LDB3: variants seen among roughly 807,000 people sequenced by gnomAD.
LDB3 encodes LIM domain binding 3, also known as LIM domain-binding protein 3.
A neutral mutation model predicts 69.0 loss-of-function variants in LDB3; 49 were observed. That is an observed-to-expected ratio of 0.71 (90% CI 0.56 to 0.90). The LOEUF (loss-of-function observed/expected upper bound fraction) is 0.90. Among genes scored for constraint, LDB3 ranks in the 40% least tolerant of loss-of-function variants. The probability of loss-of-function intolerance (pLI) is 0.00; values close to 1 mark genes in which losing one functional copy is unlikely to be tolerated. For missense variants in LDB3, 928 were observed against 974.1 expected (o/e 0.95, Z 0.63); for synonymous variants, 387 against 396.2 (o/e 0.98, Z 0.28).
chr10:86,716,272 TG>T (rs904638725), intron 9 of LDB3, 54 bp from the exon 10 acceptor site: 1 of 1,594,408 alleles, frequency 6.3e-7, no homozygotes, highest in Admixed American at 1.7e-5. Flanking sequence ...TGAGGGGAAC[TG>T]GGAAGAATGA....
intron 8 of LDB3, 96 bp from the exon 9 acceptor site, chr10:86,709,809 C>A: frequency 7.2e-7 from 1 of 1,381,110 alleles, no homozygotes; most frequent in Non-Finnish European, 1.0e-6. Flanking sequence ...GGTGTCCTCA[C>A]AGAGGCTTCT....
At chr10:86,680,653 C>G (rs1845063806) in intron 4 of LDB3, among the ~76,000 whole-genome samples, 1 of 152,130 alleles carries the variant, frequency 6.6e-6, no homozygotes, top group Non-Finnish European at 1.5e-5. Context: ...AGTGCATTCC[C>G]CTGTAGCCCT....
upstream of LDB3, among the ~76,000 whole-genome samples, chr10:86,667,024 AATGG>A (rs1307123054): frequency 1.3e-5 from 2 of 152,076 alleles, no homozygotes; most frequent in African/African-American, 4.8e-5. Context: ...AGGGATAGGG[AATGG>A]TATGGGGAAG....
chr10:86,687,479 G>A (rs998426079), intron 5 of LDB3, among the ~76,000 whole-genome samples: 2 of 152,248 alleles, frequency 1.3e-5, no homozygotes, highest in Non-Finnish European at 2.9e-5. Context: ...TAGGAGAAGG[G>A]TGGAGAAATG....
At chr10:86,692,600 C>T in intron 7 of LDB3, 29 bp downstream of exon 7, 1 of 1,610,142 alleles carries the variant, frequency 6.2e-7, no homozygotes, top group South Asian at 1.1e-5. Flanking sequence ...GCTCTGTGGC[C>T]TTGCCCTCTA....
At chr10:86,716,800 G>A in intron 10 of LDB3, 29 bp downstream of exon 10, 3 of 1,576,134 alleles carry the variant, frequency 1.9e-6, no homozygotes, top group Admixed American at 3.7e-5. Flanking sequence ...CCTGCACTGG[G>A]GCACTGGAAG....
chr10:86,669,636 G>A (rs1228682748), intron 2 of LDB3, among the ~76,000 whole-genome samples: 1 of 152,234 alleles, frequency 6.6e-6, no homozygotes, highest in African/African-American at 2.4e-5. Flanking sequence ...GTCAGTTTCT[G>A]TCAAACAAAG....
At chr10:86,712,764 A>G (rs188736450) in intron 9 of LDB3, among the ~76,000 whole-genome samples, 7 of 152,356 alleles carry the variant, frequency 4.6e-5, no homozygotes, top group East Asian at 3.9e-4. Flanking sequence ...TTGACTACAT[A>G]TATTTAAGAT....
intron 9 of LDB3, among the ~76,000 whole-genome samples, chr10:86,711,781 G>A (rs1344370951): frequency 6.7e-6 from 1 of 149,880 alleles, no homozygotes. Context: ...GCGGCGGCGC[G>A]GAGACCCTGC....
rs191859759 is a variant in LDB3, at chr10:86,715,067, G to A, written c.1232-1260G>A. On this transcript the variant is annotated intron_variant, in intron 9 of 13. Transcript: ENST00000361373. ...GTGGGAGCCACAGGCTGCCCCAGGC[G>A]GTCCAGGGGAACCAGGTGGGAAAGA... 1.3e-3 allele frequency among the ~76,000 whole-genome samples: 198 copies of A among 152,312 alleles called. 1 individual carries two copies. The highest frequency in any genetic ancestry group is 8.5e-3 in the East Asian group (44 of 5,184).
chr10:86,667,078 G>A (rs1000408662), upstream of LDB3, among the ~76,000 whole-genome samples: 1 of 152,192 alleles, frequency 6.6e-6, no homozygotes, highest in Non-Finnish European at 1.5e-5. Flanking sequence ...GGGCTGGGCT[G>A]CATGATATAG....
chr10:86,732,864 C>A, intron 13 of LDB3, 23 bp from the exon 14 acceptor site: 1 of 1,600,014 alleles, frequency 6.2e-7, no homozygotes, highest in Non-Finnish European at 8.6e-7. Context: ...GTGGGTCTCA[C>A]GCAGGTCTGT....
chr10:86,721,482 AC>A (rs769006278), intron 12 of LDB3, among the ~76,000 whole-genome samples: 51 of 152,186 alleles, frequency 3.4e-4, no homozygotes, highest in Non-Finnish European at 6.8e-4. Context: ...ATGAACCTGC[AC>A]CCGAGCAGTT....
At chr10:86,730,243 C>A (rs1394537015) in intron 13 of LDB3, among the ~76,000 whole-genome samples, 2 of 152,168 alleles carry the variant, frequency 1.3e-5, no homozygotes, top group African/African-American at 4.8e-5. Context: ...AAGCTCAACT[C>A]AAGGGGGTGA....
chr10:86,703,155 G>T (rs1846323390), intron 7 of LDB3, among the ~76,000 whole-genome samples: 1 of 152,312 alleles, frequency 6.6e-6, no homozygotes, highest in Non-Finnish European at 1.5e-5. Flanking sequence ...CACTGTCATT[G>T]TCCTTGTCCT....
chr10:86,698,927 C>T (rs937358595), intron 7 of LDB3, among the ~76,000 whole-genome samples: 3 of 152,144 alleles, frequency 2.0e-5, no homozygotes, highest in Non-Finnish European at 4.4e-5. Flanking sequence ...CCAGCCCTCA[C>T]TACATGGACC....
intron 9 of LDB3, among the ~76,000 whole-genome samples, chr10:86,712,975 C>T (rs1205643924): frequency 6.6e-6 from 1 of 152,040 alleles, no homozygotes; most frequent in African/African-American, 2.4e-5. Context: ...GCAGGAGAAT[C>T]ACTTGAACCC....
At chr10:86,714,695 A>G (rs1589672556) in intron 9 of LDB3, among the ~76,000 whole-genome samples, 1 of 151,466 alleles carries the variant, frequency 6.6e-6, no homozygotes, top group Non-Finnish European at 1.5e-5. Context: ...AGCTGGGACT[A>G]CAGGCACCCG....
intron 7 of LDB3, among the ~76,000 whole-genome samples, chr10:86,695,495 T>G (rs1564645635): frequency 6.6e-6 from 1 of 152,180 alleles, no homozygotes; most frequent in South Asian, 2.1e-4. Flanking sequence ...GGGGGAGGCC[T>G]GAACAGGCCA....
Sources: allele counts gnomAD v4.1 joint callset (sites outside exome capture counted in the v4.1 genomes callset), GRCh38; gene constraint gnomAD v4.1.1; transcripts MANE v1.5; gene names NCBI Gene and HGNC (gene_info 2026-07-23, HGNC 2026-07-21).